TAFA5: variants seen among roughly 807,000 people sequenced by gnomAD.
The protein encoded by TAFA5 is TAFA chemokine like family member 5.
A neutral mutation model predicts 15.3 loss-of-function variants in TAFA5; 6 were observed. The ratio of observed to expected loss-of-function variants is 0.39; its 90% confidence interval spans 0.21 to 0.77. The LOEUF (loss-of-function observed/expected upper bound fraction) is 0.77, where lower values mean the gene tolerates loss of function less well. Ranked by LOEUF, TAFA5 falls within the 30% of genes least tolerant of loss-of-function variation. The pLI is 0.41. For missense variants in TAFA5, 161 were observed against 193.1 expected, an observed-to-expected ratio of 0.83 and a Z score of 0.98; for synonymous variants, 103 against 80.7, an observed-to-expected ratio of 1.28 and a Z score of -1.48.
chr22:48,575,232 G>GT (rs1923723392), intron 1 of TAFA5, among the ~76,000 whole-genome samples: 1 of 152,108 alleles, frequency 6.6e-6, no homozygotes, highest in South Asian at 2.1e-4. Context: ...CTGCAGTGAG[G>GT]CCCCTGCGCA....
intron 1 of TAFA5, among the ~76,000 whole-genome samples, chr22:48,491,374 GGAGAGGAGA>G (rs1471807421): frequency 6.6e-6 from 1 of 152,140 alleles, no homozygotes; most frequent in Non-Finnish European, 1.5e-5. Flanking sequence ...TCACCCCAGA[GGAGAGGAGA>G]GAGAGGAGAG....
Position 48,563,233 on chromosome 22 carries a change from C to T in TAFA5, c.112+73529C>T, listed in dbSNP as rs531868327. 4.6e-5 allele frequency among the ~76,000 whole-genome samples: 7 copies of T among 152,320 alleles called. No individual in the cohort carries two copies. The South Asian group carries it at 6.2e-4, about 14-fold the overall frequency. ...CCCTGCAGACAAGTGGCCCCTCGTC[C>T]CGGGTGCTCTTCCTGTTTATTCTCC... On this transcript the variant is annotated intron_variant, in intron 1 of 3. Coordinates refer to ENST00000402357, the MANE Select transcript of TAFA5 (RefSeq NM_001082967.3).
At chr22:48,569,093 C>T (rs930910264) in intron 1 of TAFA5, among the ~76,000 whole-genome samples, 4 of 152,202 alleles carry the variant, frequency 2.6e-5, no homozygotes, top group Non-Finnish European at 5.9e-5. Flanking sequence ...TGGCCGTGGC[C>T]TCCTACACAG....
intron 1 of TAFA5, among the ~76,000 whole-genome samples, chr22:48,494,950 T>G (rs1928275657): frequency 6.6e-6 from 1 of 152,192 alleles, no homozygotes; most frequent in Admixed American, 6.5e-5. Context: ...TACTTTTATC[T>G]CCAACTAGGC....
intron 1 of TAFA5, among the ~76,000 whole-genome samples, chr22:48,556,760 A>T (rs1350075655): frequency 6.6e-6 from 1 of 152,076 alleles, no homozygotes; most frequent in Non-Finnish European, 1.5e-5. Context: ...GTTCTCAGGG[A>T]CACCCCCCTA....
At chr22:48,590,057 C>T (rs993930677) in intron 1 of TAFA5, among the ~76,000 whole-genome samples, 1 of 151,896 alleles carries the variant, frequency 6.6e-6, no homozygotes, top group East Asian at 1.9e-4. Context: ...GTCAGCGTGG[C>T]TGGCGGATGG....
chr22:48,723,323 T>G (rs887863202), intron 3 of TAFA5, among the ~76,000 whole-genome samples: 2 of 152,216 alleles, frequency 1.3e-5, no homozygotes, highest in South Asian at 4.1e-4. Context: ...GATTTGTGTC[T>G]GCATCCAAAT....
chr22:48,658,371 C>T (rs985770492), intron 2 of TAFA5, among the ~76,000 whole-genome samples: 4 of 152,362 alleles, frequency 2.6e-5, no homozygotes, highest in African/African-American at 9.6e-5. Context: ...TTGTCCATGG[C>T]AGACGCCAGA....
At chr22:48,582,464 TACACCACACACAAAATACACCAC>T (rs1455346834) in intron 1 of TAFA5, among the ~76,000 whole-genome samples, 3 of 67,240 alleles carry the variant, frequency 4.5e-5, no homozygotes, top group Non-Finnish European at 6.2e-5. Flanking sequence ...ACACACAAAA[TACACCACACACAAAATACACCAC>T]ACACCACACA....
In TAFA5 at chr22:48,489,661, CT is replaced by C; in HGVS notation, c.70del (p.Trp24GlyfsTer4). 6.5e-7 allele frequency: 1 copy of C among 1,532,254 alleles called. No homozygotes were observed. Among genetic ancestry groups the C allele is most frequent in the Non-Finnish European group, 8.8e-7 (1 of 1,139,992 alleles). 94.9% of individuals were successfully genotyped at this position (1,532,254 alleles called of 1,614,324 possible). ...TALPSMSSTF[W>X]AFMILASLLI... ...CCCTGCCCAGCATGTCCTCAACTTTCTGGGCGTTCATGATCCTGGCCAGCCT... is the reference window on the plus strand; with the variant it reads ...CCCTGCCCAGCATGTCCTCAACTTTCGGGCGTTCATGATCCTGGCCAGCCT... On this transcript the variant is annotated frameshift_variant, in exon 1 of 4. Transcript: ENST00000402357. LOFTEE classifies it high-confidence loss of function. This position sits in a 1 kb window ranked among gnomAD's most constrained non-coding sequence, Gnocchi z 5.5.
chr22:48,597,150 T>C (rs750219636), intron 1 of TAFA5, among the ~76,000 whole-genome samples: 1 of 152,214 alleles, frequency 6.6e-6, no homozygotes, highest in East Asian at 1.9e-4. Context: ...TGTAAAGTTA[T>C]TTGCCTCGTG....
chr22:48,743,661 G>A (rs909796875), intron 3 of TAFA5, among the ~76,000 whole-genome samples: 1 of 152,188 alleles, frequency 6.6e-6, no homozygotes, highest in Non-Finnish European at 1.5e-5. Flanking sequence ...AGCGGACTGT[G>A]GGGGAGCTGG....
At chr22:48,730,178 A>T (rs1466191614) in intron 3 of TAFA5, among the ~76,000 whole-genome samples, 1 of 152,154 alleles carries the variant, frequency 6.6e-6, no homozygotes, top group Non-Finnish European at 1.5e-5. Flanking sequence ...AGGTCAGGAG[A>T]TTGAGACCAT....
At chr22:48,672,661 C>G (rs1243018832) in intron 2 of TAFA5, among the ~76,000 whole-genome samples, 6 of 152,186 alleles carry the variant, frequency 3.9e-5, no homozygotes, top group Non-Finnish European at 7.3e-5. Context: ...TGCTCATCAC[C>G]CCTCAGGAAC....
chr22:48,590,641 G>A (rs746206593), intron 1 of TAFA5, among the ~76,000 whole-genome samples: 1 of 152,086 alleles, frequency 6.6e-6, no homozygotes, highest in African/African-American at 2.4e-5. Context: ...CTGTGACTCT[G>A]AGAGCCCACC....
intron 1 of TAFA5, among the ~76,000 whole-genome samples, chr22:48,579,117 G>A (rs1334470543): frequency 8.5e-6 from 1 of 118,054 alleles, no homozygotes; most frequent in Non-Finnish European, 1.9e-5. Context: ...AGGCCACCCC[G>A]TGGCTAATCC....
At position 48,507,566 on chromosome 22, in the gene TAFA5, C is replaced by G. The variant is rs530463431; in HGVS notation, c.112+17862C>G. On this transcript the variant is annotated intron_variant, in intron 1 of 3. Transcript: ENST00000402357. ...CAGCCCCTTTTGCCCAGCACGCCTC[C>G]CCAGAGTTGCTTCCGTGGCATCCAG... is the stretch of plus-strand genomic sequence containing the variant. 2.0e-5 allele frequency among the ~76,000 whole-genome samples: 3 copies of G among 152,318 alleles called. No individual in the cohort carries two copies. The South Asian group carries it at 6.2e-4, about 32-fold the overall frequency.
intron 1 of TAFA5, among the ~76,000 whole-genome samples, chr22:48,587,407 G>A (rs371196943): frequency 3.3e-5 from 5 of 152,250 alleles, no homozygotes; most frequent in East Asian, 3.9e-4. Context: ...CTGCCCTTGC[G>A]TGGAACAGGA....
At chr22:48,516,286 T>C (rs1425267379) in intron 1 of TAFA5, among the ~76,000 whole-genome samples, 2 of 152,156 alleles carry the variant, frequency 1.3e-5, no homozygotes, top group Admixed American at 1.3e-4. Flanking sequence ...TTTAACTACA[T>C]ATTAACGGCT....
Sources: gnomAD v4.1 joint callset for allele counts (sites outside exome capture counted in the v4.1 genomes callset) on GRCh38, gnomAD v4.1.1 for gene constraint, Gnocchi (gnomAD v3.1) non-coding constraint, MANE v1.5 for transcripts, NCBI Gene and HGNC (gene_info 2026-07-23, HGNC 2026-07-21) for gene names.